VTI1A: variants seen among roughly 807,000 people sequenced by gnomAD.
The protein encoded by VTI1A is vesicle transport through interaction with t-SNAREs homolog 1A.
VTI1A carries 22 observed loss-of-function variants against 34.9 expected under a neutral mutation model. That is an observed-to-expected ratio of 0.63 (90% confidence interval 0.45 to 0.90). The LOEUF (loss-of-function observed/expected upper bound fraction) is 0.90. VTI1A is among the 40% of genes least tolerant of loss of function. VTI1A has a pLI of 0.00. For missense variants in VTI1A, 268 were observed against 275.6 expected (o/e 0.97, Z 0.20); for synonymous variants, 87 against 97.3 (o/e 0.89, Z 0.62).
chr10:112,805,973 A>T (rs1224879095), intron 7 of VTI1A, among the ~76,000 whole-genome samples: 1 of 152,216 alleles, frequency 6.6e-6, no homozygotes, highest in Non-Finnish European at 1.5e-5. Flanking sequence ...CCCTCTGCAG[A>T]CAGAGCGTGC....
intron 3 of VTI1A, among the ~76,000 whole-genome samples, chr10:112,502,326 G>A (rs962953204): frequency 6.6e-6 from 1 of 151,822 alleles, no homozygotes; most frequent in African/African-American, 2.4e-5. Flanking sequence ...GAACTACTAC[G>A]CCCAGCTTCT....
At chr10:112,783,839 G>A (rs988022043) in intron 7 of VTI1A, among the ~76,000 whole-genome samples, 8 of 152,140 alleles carry the variant, frequency 5.3e-5, no homozygotes, top group African/African-American at 1.4e-4. Flanking sequence ...TGGCTCTCCC[G>A]GTCCCCAGAG....
chr10:112,658,048 A>G (rs139164853), intron 5 of VTI1A, among the ~76,000 whole-genome samples: 2 of 152,024 alleles, frequency 1.3e-5, no homozygotes, highest in East Asian at 3.9e-4. Context: ...CCACCTCCCA[A>G]CTTCCTGCAT....
chr10:112,496,798 T>C (rs1186479645), intron 3 of VTI1A, among the ~76,000 whole-genome samples: 1 of 152,214 alleles, frequency 6.6e-6, no homozygotes, highest in Non-Finnish European at 1.5e-5. Flanking sequence ...TTACTCTGAA[T>C]GTATATGTGA....
chr10:112,629,262 C>T (rs1312466249), intron 5 of VTI1A, among the ~76,000 whole-genome samples: 2 of 152,238 alleles, frequency 1.3e-5, no homozygotes, highest in African/African-American at 2.4e-5. Context: ...TCCTTAGGGA[C>T]AGGGCACCAG....
intron 7 of VTI1A, among the ~76,000 whole-genome samples, chr10:112,685,055 G>T (rs921901806): frequency 6.6e-6 from 1 of 152,144 alleles, no homozygotes; most frequent in Non-Finnish European, 1.5e-5. Flanking sequence ...GTGACATGTT[G>T]TAGGTTTTCT....
Position 112,565,159 on chromosome 10 carries a change from C to G in VTI1A, c.427+26829C>G, listed in dbSNP as rs1168122331. 2.6e-5 allele frequency among the ~76,000 whole-genome samples: 4 copies of G among 152,068 alleles called. No homozygotes were observed. In the East Asian group the frequency reaches 7.7e-4, roughly 29 times the overall value. ...CCTTCCTATCACTTGTACCATAAAA[C>G]AGTGGGCCTCTGTTTAGTTGGCCTA... On this transcript the variant is annotated intron_variant, in intron 5 of 7. Coordinates refer to ENST00000393077, the MANE Select transcript of VTI1A (RefSeq NM_145206.4).
At chr10:112,707,823 ACT>A (rs1216894957) in intron 7 of VTI1A, among the ~76,000 whole-genome samples, 17 of 152,226 alleles carry the variant, frequency 1.1e-4, no homozygotes, top group African/African-American at 3.9e-4. Context: ...AGAGTATTAG[ACT>A]CTGCCAGAAT....
At chr10:112,634,555 C>A (rs1223579770) in intron 5 of VTI1A, among the ~76,000 whole-genome samples, 1 of 149,476 alleles carries the variant, frequency 6.7e-6, no homozygotes, top group Admixed American at 6.7e-5. Context: ...ACACGAATTT[C>A]ATGTTTTCTT....
At chr10:112,755,352 C>G (rs1257018581) in intron 7 of VTI1A, among the ~76,000 whole-genome samples, 1 of 152,146 alleles carries the variant, frequency 6.6e-6, no homozygotes, top group Non-Finnish European at 1.5e-5. Context: ...GAAAGCAGAC[C>G]CCAGCAGATG....
At chr10:112,668,473 A>T (rs528232292) in intron 6 of VTI1A, among the ~76,000 whole-genome samples, 185 bp downstream of exon 6, 36 of 152,280 alleles carry the variant, frequency 2.4e-4, no homozygotes, top group African/African-American at 8.4e-4. Flanking sequence ...CTATGTCCCC[A>T]TTCCAGAATG....
chr10:112,594,052 G>T (rs1204465057), intron 5 of VTI1A, among the ~76,000 whole-genome samples: 2 of 152,214 alleles, frequency 1.3e-5, no homozygotes, highest in Non-Finnish European at 2.9e-5. Flanking sequence ...TGGGACTACA[G>T]GAGCCTGCCA....
chr10:112,531,904 T>C (rs1400571752), intron 4 of VTI1A, among the ~76,000 whole-genome samples: 3 of 152,184 alleles, frequency 2.0e-5, no homozygotes, highest in Non-Finnish European at 4.4e-5. Context: ...TTGCTTCTTC[T>C]GGGGAAGAAT....
At chr10:112,679,677 G>T (rs1399369836) in intron 7 of VTI1A, among the ~76,000 whole-genome samples, 1 of 151,548 alleles carries the variant, frequency 6.6e-6, no homozygotes, top group Non-Finnish European at 1.5e-5. Flanking sequence ...CAGCACCTTA[G>T]TTTCCTGTGC....
At chr10:112,806,723 A>G (rs1462157225) in intron 7 of VTI1A, among the ~76,000 whole-genome samples, 1 of 151,986 alleles carries the variant, frequency 6.6e-6, no homozygotes, top group Non-Finnish European at 1.5e-5. Context: ...AGCTGGGACC[A>G]CAAGCACAGG....
chr10:112,594,391 A>G (rs1487209227), intron 5 of VTI1A, among the ~76,000 whole-genome samples: 1 of 152,156 alleles, frequency 6.6e-6, no homozygotes, highest in Non-Finnish European at 1.5e-5. Context: ...CACAGACGAC[A>G]TGATTGTATA....
intron 5 of VTI1A, among the ~76,000 whole-genome samples, chr10:112,558,252 T>A (rs1851600737): frequency 6.6e-6 from 1 of 152,078 alleles, no homozygotes; most frequent in Non-Finnish European, 1.5e-5. Context: ...CCAGTAGTAT[T>A]TACAGTAGAA....
At chr10:112,629,200 AG>A (rs1321086039) in intron 5 of VTI1A, among the ~76,000 whole-genome samples, 3 of 152,270 alleles carry the variant, frequency 2.0e-5, no homozygotes, top group Non-Finnish European at 4.4e-5. Context: ...CTGCAGGCAG[AG>A]CCTGCCTCAG....
chr10:112,454,494 C>T (rs1425202247), intron 1 of VTI1A, among the ~76,000 whole-genome samples: 1 of 152,074 alleles, frequency 6.6e-6, no homozygotes, highest in African/African-American at 2.4e-5. Flanking sequence ...CCCAGCTACT[C>T]AGGAGGCTGA....
Sources: gnomAD v4.1 joint callset for allele counts (sites outside exome capture counted in the v4.1 genomes callset) on GRCh38, gnomAD v4.1.1 for gene constraint, MANE v1.5 for transcripts, NCBI Gene and HGNC (gene_info 2026-07-23, HGNC 2026-07-21) for gene names.